FER1L6: variants seen among roughly 807,000 people sequenced by gnomAD.
FER1L6 encodes fer-1-like protein 6.
A neutral mutation model predicts 219.2 loss-of-function variants in FER1L6; 177 were observed. The ratio of observed to expected loss-of-function variants is 0.81; its 90% CI spans 0.71 to 0.91. The LOEUF (loss-of-function observed/expected upper bound fraction) is 0.91, where lower values mean the gene tolerates loss of function less well. FER1L6 is among the 40% of genes least tolerant of loss of function. The pLI, the probability that FER1L6 is intolerant of heterozygous loss-of-function variation, is 0.00. For synonymous variants in FER1L6, 768 were observed against 824.3 expected (o/e 0.93, Z 1.17); for missense variants, 2,153 against 2,259.9 (o/e 0.95, Z 0.96).
rs149030316 is a variant in FER1L6 at position 123,952,334 on chromosome 8, G to A, written c.-7-3658G>A. On this transcript the variant is annotated intron_variant, in intron 1 of 40. Transcript: ENST00000522917. ...CAGGCTGGCTGCCTCCCTGCAGTGC[G>A]GGCCTTGTGGTTAAACACTGAGTGA... Among the ~76,000 whole-genome samples the A allele has an allele frequency of 3.2e-4, 48 of 152,306 alleles. No individual in the cohort carries two copies. The South Asian group carries it at 5.0e-3, about 16-fold the overall frequency.
chr8:124,118,925 G>C lies in FER1L6; in HGVS notation c.5371G>C (p.Glu1791Gln), dbSNP rs1823363220. 1.2e-6 allele frequency: 2 copies of C among 1,613,648 alleles called. No individual in the cohort carries two copies. The highest frequency in any genetic ancestry group is 2.2e-5 in the East Asian group (1 of 44,870). The part of the protein sequence containing the change: ...NPVGKARKEP[E>Q]PLAKPNRPDT... The stretch of plus-strand genomic sequence containing the variant: ...TGTTGGAAAAGCCCGAAAGGAGCCA[G>C]AGCCCCTGGCCAAGCCCAAGTGAGT... The change falls in exon 40 of 41, where the codon GAG becomes CAG. Residue 1791 changes from glutamate (E) to glutamine (Q), a missense_variant. By Grantham distance (29) the Glu-to-Gln change is conservative (BLOSUM62 2). Transcript: ENST00000522917.
rs1451645088 is a variant in FER1L6 at position 123,852,206 on chromosome 8, T to G, written c.-8+21T>G. 1.3e-5 allele frequency: 2 copies of G among 152,208 alleles called. No individual in the cohort carries two copies. Among genetic ancestry groups the G allele is most frequent in the Non-Finnish European group, 2.9e-5 (2 of 68,084 alleles). 9.4% of individuals were successfully genotyped at this position (152,208 alleles called of 1,614,324 possible). A position where few individuals can be genotyped will look rare whatever the true frequency, so the allele number is the denominator to read the frequency against. ...ATTTTGTAAGTCCATAGATAATAGA[T>G]TCTACAGAAGCATTGTGTGCAGGGA... is the stretch of plus-strand genomic sequence containing the variant. On this transcript the variant is annotated intron_variant, in intron 1 of 40. Coordinates refer to ENST00000522917, the MANE Select transcript of FER1L6 (RefSeq NM_001039112.2). This position sits in a 1 kb window ranked among gnomAD's most constrained non-coding sequence, Gnocchi z 4.9.
chr8:124,117,906 T>C (rs1259955583), intron 39 of FER1L6, among the ~76,000 whole-genome samples: 1 of 152,144 alleles, frequency 6.6e-6, no homozygotes, highest in Admixed American at 6.6e-5. Context: ...GCCCAGTCCA[T>C]GTGTGATTCA....
At chr8:123,926,143 G>A (rs1342339070) in intron 1 of FER1L6, among the ~76,000 whole-genome samples, 1 of 152,214 alleles carries the variant, frequency 6.6e-6, no homozygotes, top group African/African-American at 2.4e-5. Context: ...CAAATTTGGT[G>A]ACGTGGTGGC....
intron 1 of FER1L6, among the ~76,000 whole-genome samples, chr8:123,896,519 G>A (rs1812743929): frequency 6.6e-6 from 1 of 152,178 alleles, no homozygotes; most frequent in Admixed American, 6.5e-5. Context: ...AAGATTTTTG[G>A]AAGGATATGT....
chr8:123,959,997 T>C (rs1815197428), intron 2 of FER1L6, among the ~76,000 whole-genome samples: 1 of 152,206 alleles, frequency 6.6e-6, no homozygotes, highest in South Asian at 2.1e-4. Context: ...GGGTGACTTG[T>C]TCAAGTCATC....
intron 6 of FER1L6, among the ~76,000 whole-genome samples, chr8:123,972,483 C>G (rs1470447345): frequency 6.6e-6 from 1 of 152,278 alleles, no homozygotes; most frequent in African/African-American, 2.4e-5. Context: ...GTATAACTTC[C>G]AACTGGTGCC....
chr8:123,946,185 G>C (rs1814477205), intron 1 of FER1L6, among the ~76,000 whole-genome samples: 1 of 152,116 alleles, frequency 6.6e-6, no homozygotes, highest in Non-Finnish European at 1.5e-5. Context: ...ACCTTGAACT[G>C]GTTCTTTCTT....
At chr8:124,073,673 T>G (rs1374860072) in intron 31 of FER1L6, among the ~76,000 whole-genome samples, 1 of 152,202 alleles carries the variant, frequency 6.6e-6, no homozygotes. Flanking sequence ...CTTGAATAAA[T>G]GTATTCATTT....
At chr8:123,864,769 G>T (rs1464341088) in intron 1 of FER1L6, among the ~76,000 whole-genome samples, 1 of 149,360 alleles carries the variant, frequency 6.7e-6, no homozygotes, top group Non-Finnish European at 1.5e-5. Flanking sequence ...CCAGTTGATC[G>T]CATCGGCTCC....
Position 124,076,341 on chromosome 8 carries a change from G to A in FER1L6, c.4220+16G>A. ...TATTTGGAAGGTCAGTGGCCATCTG[G>A]GCTGTGTTTTATTGTCCTTTCTGCA... On this transcript the variant is annotated intron_variant, in intron 32 of 40. Coordinates refer to ENST00000522917, the MANE Select transcript of FER1L6 (RefSeq NM_001039112.2). The A allele has an allele frequency of 6.2e-7, 1 of 1,611,332 alleles. No individual in the cohort carries two copies. Among genetic ancestry groups the A allele is most frequent in the South Asian group, 1.1e-5 (1 of 90,954 alleles).
chr8:123,971,521 G>A (rs1005601431), intron 6 of FER1L6, among the ~76,000 whole-genome samples: 1 of 152,160 alleles, frequency 6.6e-6, no homozygotes, highest in African/African-American at 2.4e-5. Context: ...GACTGTTTGT[G>A]GGACATGTGG....
intron 1 of FER1L6, among the ~76,000 whole-genome samples, chr8:123,918,418 C>A (rs970734381): frequency 1.2e-4 from 19 of 152,182 alleles, no homozygotes; most frequent in African/African-American, 4.6e-4. Context: ...TGAGACAGTT[C>A]CCATGTAATA....
intron 22 of FER1L6, among the ~76,000 whole-genome samples, chr8:124,059,722 A>G (rs1400022263): frequency 6.6e-6 from 1 of 152,218 alleles, no homozygotes; most frequent in Non-Finnish European, 1.5e-5. Flanking sequence ...TTATTGTAGT[A>G]GTAGTATTAG....
chr8:123,866,598 A>G (rs1396300454), intron 1 of FER1L6, among the ~76,000 whole-genome samples: 3 of 152,132 alleles, frequency 2.0e-5, no homozygotes, highest in Non-Finnish European at 2.9e-5. Flanking sequence ...GCTAATTTAT[A>G]TTCTCACCAA....
chr8:123,972,665 G>T (rs1247179474), intron 6 of FER1L6, among the ~76,000 whole-genome samples: 1 of 152,098 alleles, frequency 6.6e-6, no homozygotes, highest in Admixed American at 6.5e-5. Context: ...CTGTTATTTG[G>T]GAACCATAGA....
At position 123,907,810 on chromosome 8, in the gene FER1L6, T is replaced by C. The variant is rs138843873; in HGVS notation, c.-7-48182T>C. On this transcript the variant is annotated intron_variant, in intron 1 of 40. Transcript: ENST00000522917. ...TGAGCATAGGAAGGAGTTCAAACAA[T>C]GGGCAGAGAAATAAGTCACCAGTGT... is the stretch of plus-strand genomic sequence containing the variant. Among the ~76,000 whole-genome samples the C allele has an allele frequency of 9.7e-3, 1,464 of 151,148 alleles. 19 individuals carry two copies. Among genetic ancestry groups the C allele is most frequent in the African/African-American group, 0.033 (1,381 of 41,240 alleles).
At chr8:123,862,533 G>T (rs1384371518) in intron 1 of FER1L6, among the ~76,000 whole-genome samples, 2 of 140,282 alleles carry the variant, frequency 1.4e-5, no homozygotes, top group Non-Finnish European at 3.1e-5. Context: ...TCTATTGATT[G>T]GAATAGTTTC....
In FER1L6 at chr8:124,119,974, C is replaced by T. The variant is rs913813032; in HGVS notation, c.*184C>T. ...CCAACCCCTGCCTCCAAGTTTCAAA[C>T]TTGTAAGGCATGTTTTATCCCTTGG... is the stretch of plus-strand genomic sequence containing the variant. On this transcript the variant is annotated 3_prime_UTR_variant, in exon 41 of 41. Transcript: ENST00000522917. 1.1e-5 allele frequency: 6 copies of T among 567,522 alleles called. No homozygotes were observed. The highest frequency in any genetic ancestry group is 1.8e-5 in the Non-Finnish European group (6 of 342,580). 35.2% of individuals were successfully genotyped at this position (567,522 alleles called of 1,614,324 possible). A position where few individuals can be genotyped will look rare whatever the true frequency, so the allele number is the denominator to read the frequency against.
Sources: gnomAD v4.1 joint callset for allele counts (sites outside exome capture counted in the v4.1 genomes callset) on GRCh38, gnomAD v4.1.1 for gene constraint, Gnocchi (gnomAD v3.1) non-coding constraint, MANE v1.5 for transcripts, NCBI Gene and HGNC (gene_info 2026-07-23, HGNC 2026-07-21) for gene names.